SLC26A7: variants seen among roughly 807,000 people sequenced by gnomAD.
The protein encoded by SLC26A7 is solute carrier family 26 member 7.
Under a neutral mutation model 82.5 loss-of-function variants are expected in SLC26A7, and 59 were observed. The ratio of observed to expected loss-of-function variants is 0.72; its 90% CI spans 0.58 to 0.89. The LOEUF is 0.89. Ranked by LOEUF, SLC26A7 falls within the 40% of genes least tolerant of loss-of-function variation. SLC26A7 has a pLI of 0.00. For missense variants in SLC26A7, 820 were observed against 793.0 expected (o/e 1.03, Z -0.41); for synonymous variants, 271 against 274.3 (o/e 0.99, Z 0.12).
intron 2 of SLC26A7, among the ~76,000 whole-genome samples, chr8:91,275,018 G>C (rs564688726): frequency 6.6e-6 from 1 of 151,942 alleles, no homozygotes; most frequent in Non-Finnish European, 1.5e-5. Flanking sequence ...ACATCTGCAG[G>C]TACTCTATGC....
intron 9 of SLC26A7, among the ~76,000 whole-genome samples, chr8:91,351,097 G>A (rs1813703045): frequency 6.6e-6 from 1 of 152,102 alleles, no homozygotes; most frequent in Admixed American, 6.6e-5. Flanking sequence ...TTGTTAGGAA[G>A]GCAGTTTGGC....
chr8:91,394,187 AG>A, intron 18 of SLC26A7, 148 bp downstream of exon 18: 1 of 1,611,650 alleles, frequency 6.2e-7, no homozygotes, highest in Non-Finnish European at 8.5e-7. Context: ...TTTCTATTAC[AG>A]GTAAAAGAAT....
chr8:91,298,979 A>G (rs1194373188), intron 4 of SLC26A7, among the ~76,000 whole-genome samples: 3 of 152,192 alleles, frequency 2.0e-5, no homozygotes, highest in African/African-American at 7.2e-5. Flanking sequence ...AGCCTTACCA[A>G]CAGAATGTGT....
intron 16 of SLC26A7, among the ~76,000 whole-genome samples, chr8:91,391,027 T>G (rs995750865): frequency 6.6e-6 from 1 of 152,226 alleles, no homozygotes; most frequent in African/African-American, 2.4e-5. Context: ...TTTAAAGGAT[T>G]CAGATCAGAA....
chr8:91,387,604 C>T (rs1814834779), intron 15 of SLC26A7, among the ~76,000 whole-genome samples: 1 of 149,012 alleles, frequency 6.7e-6, no homozygotes, highest in East Asian at 1.9e-4. Flanking sequence ...AATGCATACA[C>T]GTCTACATTA....
chr8:91,251,804 C>G (rs13265714), intron 2 of SLC26A7, among the ~76,000 whole-genome samples: 78,442 of 151,856 alleles, frequency 0.52, 21,281 homozygotes, highest in South Asian at 0.7. Context: ...ACTTTATAGT[C>G]TACACTGCCA....
chr8:91,315,668 G>A (rs1007986576), intron 4 of SLC26A7, among the ~76,000 whole-genome samples: 2 of 152,142 alleles, frequency 1.3e-5, no homozygotes, highest in African/African-American at 4.8e-5. Flanking sequence ...TTAAATAAAA[G>A]GTGGCTGCTA....
intron 2 of SLC26A7, among the ~76,000 whole-genome samples, chr8:91,252,865 T>C (rs2130700860): frequency 6.6e-6 from 1 of 152,230 alleles, no homozygotes; most frequent in Non-Finnish European, 1.5e-5. Context: ...ATGATCCTCA[T>C]GTCCCCTATA....
Position 91,366,587 on chromosome 8 carries a change from T to G in SLC26A7, c.1496T>G (p.Leu499Arg). ...GTTTTTCTCCTCCAAAAGGAAACCC[T>G]GCAGCAGGTGAAAATTATCTCAATA... Reference protein sequence around the residue: ...KVKTEMDSETLQQVKIISINN... With the variant: ...KVKTEMDSETRQQVKIISINN... The change falls in exon 14 of 19, where the codon CTG (leucine) becomes CGG (arginine). Residue 499 changes from leucine to arginine, a missense_variant. Coordinates refer to ENST00000276609, the MANE Select transcript of SLC26A7 (RefSeq NM_052832.4). 1.2e-6 allele frequency: 2 copies of G among 1,612,554 alleles called. No homozygotes were observed. The highest frequency in any genetic ancestry group is 1.7e-6 in the Non-Finnish European group (2 of 1,179,616).
At chr8:91,364,553 G>C (rs901930380) in intron 13 of SLC26A7, among the ~76,000 whole-genome samples, 5 of 151,992 alleles carry the variant, frequency 3.3e-5, no homozygotes, top group Admixed American at 6.6e-5. Flanking sequence ...TTTTCCATGG[G>C]AATTTAGTGC....
chr8:91,305,528 T>G (rs1812281188), intron 4 of SLC26A7, among the ~76,000 whole-genome samples: 1 of 152,150 alleles, frequency 6.6e-6, no homozygotes, highest in African/African-American at 2.4e-5. Context: ...TGACTATTGT[T>G]TTATTGAGCT....
At chr8:91,314,524 T>C (rs1271208764) in intron 4 of SLC26A7, among the ~76,000 whole-genome samples, 1 of 152,194 alleles carries the variant, frequency 6.6e-6, no homozygotes, top group Non-Finnish European at 1.5e-5. Flanking sequence ...TCCCCTTCCT[T>C]TCCTACTTCT....
At chr8:91,234,778 T>TC (rs1810363080) in intron 2 of SLC26A7, among the ~76,000 whole-genome samples, 1 of 143,852 alleles carries the variant, frequency 7.0e-6, no homozygotes, top group Non-Finnish European at 1.5e-5. Flanking sequence ...CTTCCTTCCT[T>TC]CCTTCCCTCC....
chr8:91,289,092 T>A (rs768917382), intron 2 of SLC26A7, 44 bp from the exon 3 acceptor site: 1 of 1,241,094 alleles, frequency 8.1e-7, no homozygotes, highest in Admixed American at 1.7e-5. Context: ...AGACTGTGTC[T>A]TGGGGTTATA....
chr8:91,383,513 C>T (rs1038616377), intron 15 of SLC26A7, among the ~76,000 whole-genome samples: 8 of 152,022 alleles, frequency 5.3e-5, no homozygotes, highest in Non-Finnish European at 8.8e-5. Flanking sequence ...CCCTAAAAAT[C>T]GTTTCAGAAG....
chr8:91,257,092 A>G (rs1810825341), intron 2 of SLC26A7, among the ~76,000 whole-genome samples: 1 of 152,014 alleles, frequency 6.6e-6, no homozygotes, highest in African/African-American at 2.4e-5. Flanking sequence ...AAAACCCTGG[A>G]TTTCCCACCA....
chr8:91,220,690 T>A (rs1810146608), intron 2 of SLC26A7, among the ~76,000 whole-genome samples: 1 of 152,246 alleles, frequency 6.6e-6, no homozygotes, highest in East Asian at 1.9e-4. Context: ...CTCATTCATT[T>A]TTTATGGCTG....
rs117174887 is a variant in SLC26A7 at position 91,215,090 on chromosome 8, G to A, written c.-149-3800G>A. 1.3e-3 allele frequency among the ~76,000 whole-genome samples: 202 copies of A among 151,842 alleles called. 1 individual carries two copies. The East Asian group carries it at 0.035, about 26-fold the overall frequency. On this transcript the variant is annotated intron_variant, in intron 1 of 5. Transcript: ENST00000522862. ...TTAACAACTCTTGTGATTACATGGCGCCCACCTAGGTAGTCCAGGGTAACT... is the reference window on the plus strand; with the variant it reads ...TTAACAACTCTTGTGATTACATGGCACCCACCTAGGTAGTCCAGGGTAACT...
intron 15 of SLC26A7, among the ~76,000 whole-genome samples, chr8:91,379,223 T>G (rs1436441531): frequency 6.6e-6 from 1 of 152,100 alleles, no homozygotes; most frequent in East Asian, 1.9e-4. Context: ...GAATACTTGA[T>G]ATCAAAAAGC....
Sources: gnomAD v4.1 joint callset for allele counts (sites outside exome capture counted in the v4.1 genomes callset) on GRCh38, gnomAD v4.1.1 for gene constraint, MANE v1.5 for transcripts, NCBI Gene and HGNC (gene_info 2026-07-23, HGNC 2026-07-21) for gene names.